The following DAZL variants were observed in gnomAD, a reference collection of about 807,000 sequenced individuals.
DAZL encodes the protein deleted in azoospermia like, also known as deleted in azoospermia-like.
DAZL carries 4 observed loss-of-function variants against 45.0 expected under a neutral mutation model. The observed-to-expected ratio is 0.09, with a 90% confidence interval of 0.04 to 0.20. The LOEUF (loss-of-function observed/expected upper bound fraction) is 0.20, where lower values mean the gene tolerates loss of function less well. Among genes scored for constraint, DAZL ranks in the 10% least tolerant of loss-of-function variants. DAZL has a pLI of 1.00. For missense variants in DAZL, 326 were observed against 351.3 expected (o/e 0.93, Z 0.58); for synonymous variants, 122 against 112.4 (o/e 1.09, Z -0.54).
chr3:16,595,527 G>C (rs1279347034), intron 6 of DAZL, 142 bp from the exon 7 acceptor site: 1 of 539,294 alleles, frequency 1.9e-6, no homozygotes, highest in African/African-American at 1.9e-5. Flanking sequence ...ATGCATGACT[G>C]ACTTTATGAA....
At chr3:16,603,138 C>T (rs1428991504) in intron 1 of DAZL, among the ~76,000 whole-genome samples, 1 of 152,158 alleles carries the variant, frequency 6.6e-6, no homozygotes, top group Admixed American at 6.5e-5. Flanking sequence ...TGGGAAAATA[C>T]TGATACATTC....
intron 1 of DAZL, chr3:16,604,686 C>G: frequency 2.9e-6 from 4 of 1,358,332 alleles, no homozygotes; most frequent in Non-Finnish European, 2.8e-6. Flanking sequence ...CTCCGGCCCT[C>G]GAAGTTTAAG....
chr3:16,603,689 C>T (rs567291213), intron 1 of DAZL, among the ~76,000 whole-genome samples: 8 of 151,930 alleles, frequency 5.3e-5, no homozygotes, highest in Admixed American at 1.3e-4. Flanking sequence ...TCATCATAAG[C>T]GAATTCGGTA....
intron 6 of DAZL, among the ~76,000 whole-genome samples, chr3:16,595,891 T>A (rs753379262): frequency 2.6e-5 from 4 of 152,018 alleles, no homozygotes; most frequent in Non-Finnish European, 4.4e-5. Context: ...AACAGTATAA[T>A]GTCTTATATT....
chr3:16,587,653 T>C lies in DAZL; in HGVS notation c.*1007A>G, dbSNP rs1309287371. On this transcript the variant is annotated 3_prime_UTR_variant, in exon 11 of 11. Coordinates refer to ENST00000399444, the MANE Select transcript of DAZL (RefSeq NM_001351.4). ...TAAGATATACTTATTAAACAACTTT[T>C]GTGGTTTAGAAATAACCAAAACTAA... The C allele has an allele frequency of 6.5e-6, 1 of 152,712 alleles. No homozygotes were observed. Among genetic ancestry groups the C allele is most frequent in the Non-Finnish European group, 1.5e-5 (1 of 68,104 alleles). 9.5% of individuals were successfully genotyped at this position (152,712 alleles called of 1,614,324 possible).
At chr3:16,592,409 A>G (rs1260723937) in intron 9 of DAZL, among the ~76,000 whole-genome samples, 2 of 151,996 alleles carry the variant, frequency 1.3e-5, no homozygotes, top group Admixed American at 6.6e-5. Context: ...CTACTAAAAA[A>G]ATACAAATAT....
rs35729175 is a variant in DAZL at position 16,594,586 on chromosome 3, TAA to T, written c.571-5_571-4del. The T allele has an allele frequency of 0.014, 18,518 of 1,340,074 alleles. No homozygotes were observed. Among genetic ancestry groups the T allele is most frequent in the South Asian group, 0.018 (1,178 of 66,868 alleles). The allele number at this position is 1,340,074 out of a possible 1,614,324, so 83.0% of individuals were successfully genotyped here. On this transcript the variant is annotated splice_region_variant and splice_polypyrimidine_tract_variant and intron_variant, in intron 7 of 10. Coordinates refer to ENST00000399444, the MANE Select transcript of DAZL (RefSeq NM_001351.4). ...CCAACAGGCCACTGTGGTGGCATCT[TAA>T]AAAAAAAAAAAAGGAAACCAAAATT...
At chr3:16,598,382 T>G in intron 2 of DAZL, 70 bp downstream of exon 2, 1 of 1,585,904 alleles carries the variant, frequency 6.3e-7, no homozygotes, top group East Asian at 2.3e-5. Context: ...AAACCTTAAG[T>G]TTGTAACAGG....
chr3:16,605,167 G>A (rs1259638750), intron 1 of DAZL, 36 bp downstream of exon 1: 5 of 1,613,804 alleles, frequency 3.1e-6, no homozygotes, highest in East Asian at 2.2e-5. Flanking sequence ...TGAAGACTCC[G>A]CCAGCCTTGC....
At chr3:16,601,066 T>C (rs186017137) in intron 1 of DAZL, among the ~76,000 whole-genome samples, 111 of 152,332 alleles carry the variant, frequency 7.3e-4, no homozygotes, top group Non-Finnish European at 1.0e-3. Context: ...TAAGAAACCT[T>C]GTGACAGTGC....
intron 2 of DAZL, 67 bp from the exon 3 acceptor site, chr3:16,598,245 A>G: frequency 2.0e-6 from 3 of 1,475,220 alleles, no homozygotes; most frequent in Non-Finnish European, 2.8e-6. Flanking sequence ...TTACTAAAAG[A>G]AGGTTCGATG....
chr3:16,605,274 TG>T lies in DAZL; in HGVS notation c.-70del. The T allele has an allele frequency of 6.2e-7, 1 of 1,601,228 alleles. No individual in the cohort carries two copies. The highest frequency in any genetic ancestry group is 8.6e-7 in the Non-Finnish European group (1 of 1,168,308). On this transcript the variant is annotated 5_prime_UTR_variant, in exon 1 of 11. Coordinates refer to ENST00000399444, the MANE Select transcript of DAZL (RefSeq NM_001351.4). Reference sequence around the variant, plus strand: ...GAGGCTGTGCTTGGCGCACCACTTCTGGGGCTGCTGTGAGGTCCGCTGGAAC... The same window carrying T: ...GAGGCTGTGCTTGGCGCACCACTTCTGGGCTGCTGTGAGGTCCGCTGGAAC...
intron 1 of DAZL, among the ~76,000 whole-genome samples, chr3:16,604,251 G>A (rs1449847034): frequency 6.6e-6 from 1 of 152,148 alleles, no homozygotes; most frequent in East Asian, 1.9e-4. Context: ...GTTGGTCTGC[G>A]TGTTCAGAGC....
intron 2 of DAZL, 94 bp from the exon 3 acceptor site, chr3:16,598,272 C>A: frequency 7.1e-7 from 1 of 1,408,050 alleles, no homozygotes; most frequent in Non-Finnish European, 9.9e-7. Flanking sequence ...CAATTTCTCC[C>A]CCATTTATCC....
intron 2 of DAZL, 91 bp downstream of exon 2, chr3:16,598,361 G>A: frequency 6.5e-7 from 1 of 1,534,542 alleles, no homozygotes; most frequent in South Asian, 1.1e-5. Flanking sequence ...AAACCTCCAT[G>A]AAGTACAAAA....
In DAZL at chr3:16,594,592, A is replaced by AT; in HGVS notation, c.571-10_571-9insA. ...GGCCACTGTGGTGGCATCTTAAAAAAAAAAAAAAGGAAACCAAAATTATTC... is the reference window on the plus strand; with the variant it reads ...GGCCACTGTGGTGGCATCTTAAAAAATAAAAAAAAGGAAACCAAAATTATTC... On this transcript the variant is annotated splice_polypyrimidine_tract_variant and intron_variant, in intron 7 of 10. Coordinates refer to ENST00000399444, the MANE Select transcript of DAZL (RefSeq NM_001351.4). 6.4e-7 allele frequency: 1 copy of AT among 1,564,528 alleles called. No individual in the cohort carries two copies. Among genetic ancestry groups the AT allele is most frequent in the Non-Finnish European group, 8.6e-7 (1 of 1,160,332 alleles).
chr3:16,602,039 G>T (rs1272083478), intron 1 of DAZL, among the ~76,000 whole-genome samples: 1 of 152,026 alleles, frequency 6.6e-6, no homozygotes, highest in Non-Finnish European at 1.5e-5. Context: ...AACGAATAAA[G>T]AGAATGCTAA....
intron 10 of DAZL, among the ~76,000 whole-genome samples, chr3:16,591,316 A>T (rs1012863941): frequency 6.6e-6 from 1 of 152,012 alleles, no homozygotes; most frequent in Non-Finnish European, 1.5e-5. Context: ...ATCAACCTCC[A>T]ATTCTTTCTA....
intron 1 of DAZL, 116 bp downstream of exon 1, chr3:16,605,087 T>G (rs1471269681): frequency 3.0e-6 from 4 of 1,329,998 alleles, no homozygotes; most frequent in Non-Finnish European, 3.3e-6. Flanking sequence ...TCCAGGCAGG[T>G]GCCCCCCAAA....
Sources: allele counts gnomAD v4.1 joint callset (sites outside exome capture counted in the v4.1 genomes callset), GRCh38; gene constraint gnomAD v4.1.1; transcripts MANE v1.5; gene names NCBI Gene and HGNC (gene_info 2026-07-23, HGNC 2026-07-21).